Variants in LYRM4 observed in about 807,000 individuals in gnomAD.
LYRM4 encodes the protein LYR motif-containing protein 4.
A neutral mutation model predicts 11.7 loss-of-function variants in LYRM4; 9 were observed. The ratio of observed to expected loss-of-function variants is 0.77; its 90% CI spans 0.46 to 1.34. The LOEUF is 1.34. Among genes scored for constraint, LYRM4 ranks in the 40% most tolerant of loss-of-function variants. The pLI is 0.00. For synonymous variants in LYRM4, 42 were observed against 40.4 expected, an observed-to-expected ratio of 1.04 and a Z score of -0.15; for missense variants, 133 against 112.5, an observed-to-expected ratio of 1.18 and a Z score of -0.82.
intron 2 of LYRM4, among the ~76,000 whole-genome samples, chr6:5,199,168 C>T (rs1289443707): frequency 6.6e-6 from 1 of 152,172 alleles, no homozygotes; most frequent in Non-Finnish European, 1.5e-5. Context: ...TGTTCATCTA[C>T]AAATGAATGG....
chr6:5,069,820 T>A, the LYRM4 span, among the ~76,000 whole-genome samples: 2 of 152,324 alleles, frequency 1.3e-5, no homozygotes, highest in East Asian at 1.9e-4. Context: ...ATTGTTTGTC[T>A]CCCTTTCCCA....
chr6:5,189,266 GTGGT>G (rs1329089213), intron 2 of LYRM4, among the ~76,000 whole-genome samples: 45 of 152,204 alleles, frequency 3.0e-4, no homozygotes, highest in African/African-American at 1.0e-3. Flanking sequence ...CCTAAGGTTA[GTGGT>G]TAGCCTAAGG....
intron 1 of LYRM4, among the ~76,000 whole-genome samples, chr6:5,228,991 G>A (rs575732115): frequency 1.6e-5 from 2 of 128,856 alleles, no homozygotes; most frequent in South Asian, 2.5e-4. Flanking sequence ...GCGACGGAGC[G>A]AGGCTCAGTC....
At position 5,153,333 on chromosome 6, in the gene LYRM4, C is replaced by T. The variant is rs929959936; in HGVS notation, c.208-43842G>A. 4.6e-5 allele frequency among the ~76,000 whole-genome samples: 7 copies of T among 152,210 alleles called. No individual in the cohort carries two copies. The East Asian group carries it at 5.8e-4, about 13-fold the overall frequency. On this transcript the variant is annotated intron_variant, in intron 2 of 2. Coordinates refer to ENST00000330636, the MANE Select transcript of LYRM4 (RefSeq NM_020408.6). ...GTCAAACTCCTGACCTCAAGTGACC[C>T]GCCCACCTCAGCCTCCAAAAGTGCT...
chr6:5,243,052 C>T (rs1246954908), intron 1 of LYRM4, among the ~76,000 whole-genome samples: 3 of 152,114 alleles, frequency 2.0e-5, no homozygotes, highest in Admixed American at 6.5e-5. Flanking sequence ...GGATTACAGG[C>T]GTGAGCCACC....
At chr6:5,049,339 A>G in the LYRM4 span, among the ~76,000 whole-genome samples, 1 of 152,102 alleles carries the variant, frequency 6.6e-6, no homozygotes, top group African/African-American at 2.4e-5. Flanking sequence ...TTAATATCCT[A>G]TCCTCAGATG....
At chr6:5,084,324 T>C in the LYRM4 span, among the ~76,000 whole-genome samples, 5 of 152,304 alleles carry the variant, frequency 3.3e-5, no homozygotes, top group Admixed American at 3.3e-4. Flanking sequence ...GGTTCGGGCC[T>C]TGGCCCCTGG....
the LYRM4 span, chr6:5,089,558 T>G: frequency 2.0e-5 from 3 of 152,242 alleles, no homozygotes; most frequent in Non-Finnish European, 2.9e-5. Flanking sequence ...AAATAGATTT[T>G]TAGTGGTATG....
intron 2 of LYRM4, among the ~76,000 whole-genome samples, chr6:5,115,504 C>T (rs1763079053): frequency 6.6e-6 from 1 of 152,146 alleles, no homozygotes; most frequent in Non-Finnish European, 1.5e-5. Context: ...TACCAAAGCC[C>T]CCATTACAGC....
At chr6:5,133,396 C>T (rs1260596726) in intron 2 of LYRM4, among the ~76,000 whole-genome samples, 2 of 152,170 alleles carry the variant, frequency 1.3e-5, no homozygotes, top group South Asian at 2.1e-4. Context: ...CAAACTTGCA[C>T]GGGCTTAAAT....
At chr6:5,139,897 G>T (rs1432244606) in intron 2 of LYRM4, among the ~76,000 whole-genome samples, 1 of 149,710 alleles carries the variant, frequency 6.7e-6, no homozygotes, top group African/African-American at 2.5e-5. Context: ...GGGGGCAGTG[G>T]TGTGATCACG....
At chr6:5,253,594 G>T (rs1476571208) in intron 1 of LYRM4, among the ~76,000 whole-genome samples, 1 of 152,120 alleles carries the variant, frequency 6.6e-6, no homozygotes, top group Non-Finnish European at 1.5e-5. Flanking sequence ...GCTAACAAAG[G>T]TACAGTGCTG....
chr6:5,177,424 C>A (rs1031471193), intron 2 of LYRM4, among the ~76,000 whole-genome samples: 1 of 152,208 alleles, frequency 6.6e-6, no homozygotes, highest in Non-Finnish European at 1.5e-5. Flanking sequence ...TCCGGGATGA[C>A]CCCTTCCTAG....
the LYRM4 span, chr6:5,066,006 G>A: frequency 8.8e-6 from 3 of 342,496 alleles, no homozygotes; most frequent in Non-Finnish European, 1.7e-5. Context: ...TCCCAAAACA[G>A]TGCTTTCACA....
intron 2 of LYRM4, among the ~76,000 whole-genome samples, chr6:5,138,362 T>C (rs914162090): frequency 2.6e-5 from 4 of 151,702 alleles, no homozygotes; most frequent in African/African-American, 9.7e-5. Context: ...CACACGCCTG[T>C]AGTCCCAACT....
intron 1 of LYRM4, among the ~76,000 whole-genome samples, chr6:5,235,954 A>G (rs1486935922): frequency 6.6e-6 from 1 of 151,892 alleles, no homozygotes; most frequent in African/African-American, 2.4e-5. Context: ...AGAAATGTTA[A>G]CATTATGCTT....
chr6:5,260,450 A>G (rs959097806), intron 1 of LYRM4, among the ~76,000 whole-genome samples, 198 bp downstream of exon 1: 3 of 152,250 alleles, frequency 2.0e-5, no homozygotes, highest in Non-Finnish European at 4.4e-5. Context: ...TGGTAGAAAG[A>G]AAGGCTCCTC....
chr6:5,164,758 A>C (rs1758971391), intron 2 of LYRM4, among the ~76,000 whole-genome samples: 1 of 152,188 alleles, frequency 6.6e-6, no homozygotes, highest in African/African-American at 2.4e-5. Context: ...ACTTGAGGTC[A>C]GGAGTTTGAG....
intron 2 of LYRM4, among the ~76,000 whole-genome samples, chr6:5,207,901 C>A (rs1044984816): frequency 2.0e-5 from 3 of 152,116 alleles, no homozygotes; most frequent in Non-Finnish European, 1.5e-5. Flanking sequence ...ATGCATCTTG[C>A]CACTGTCTTT....
Sources: gnomAD v4.1 joint callset for allele counts (sites outside exome capture counted in the v4.1 genomes callset) on GRCh38, gnomAD v4.1.1 for gene constraint, MANE v1.5 for transcripts, NCBI Gene and HGNC (gene_info 2026-07-23, HGNC 2026-07-21) for gene names.